ST3GAL3: variants seen among roughly 807,000 people sequenced by gnomAD.
The protein encoded by ST3GAL3 is ST3 beta-galactoside alpha-2,3-sialyltransferase 3, also known as CMP-N-acetylneuraminate-beta-1,4-galactoside alpha-2,3-sialyltransferase.
In ST3GAL3, 21 loss-of-function variants were observed where a neutral mutation model predicts 50.1. That is an observed-to-expected ratio of 0.42 (90% CI 0.30 to 0.60). The LOEUF is 0.60. Among genes scored for constraint, ST3GAL3 ranks in the 20% least tolerant of loss-of-function variants. The pLI, the probability that ST3GAL3 is intolerant of heterozygous loss-of-function variation, is 0.19. For synonymous variants in ST3GAL3, 183 were observed against 190.0 expected, an observed-to-expected ratio of 0.96 and a Z score of 0.30; for missense variants, 353 against 489.4, an observed-to-expected ratio of 0.72 and a Z score of 2.63.
intron 3 of ST3GAL3, among the ~76,000 whole-genome samples, chr1:43,809,558 G>T (rs561059601): frequency 1.3e-5 from 2 of 152,056 alleles, no homozygotes; most frequent in Non-Finnish European, 2.9e-5. Context: ...TTAGCTAAAT[G>T]TGGTGGTGCT....
chr1:43,838,177 C>G (rs200622176), intron 4 of ST3GAL3, 42 bp from the exon 5 acceptor site: 1 of 1,447,248 alleles, frequency 6.9e-7, no homozygotes, highest in Non-Finnish European at 9.6e-7. Context: ...CCACTCAGTG[C>G]TCAGTGCCTG....
chr1:43,816,367 A>G (rs1025101335), intron 4 of ST3GAL3, among the ~76,000 whole-genome samples: 1 of 152,198 alleles, frequency 6.6e-6, no homozygotes, highest in Non-Finnish European at 1.5e-5. Flanking sequence ...GAAGGCAACT[A>G]TGAAGGAAAA....
chr1:43,798,360 TGA>T (rs2058930747), intron 3 of ST3GAL3, among the ~76,000 whole-genome samples: 1 of 152,356 alleles, frequency 6.6e-6, no homozygotes, highest in Admixed American at 6.5e-5. Context: ...GCCTCTCCAG[TGA>T]CCTTACAGTA....
chr1:43,746,923 T>C (rs1683976818), intron 2 of ST3GAL3, among the ~76,000 whole-genome samples: 2 of 152,028 alleles, frequency 1.3e-5, no homozygotes, highest in South Asian at 4.2e-4. Context: ...CTACCATGCC[T>C]GACTAATTTT....
At chr1:43,913,703 G>A (rs1012444936) in intron 9 of ST3GAL3, 1 of 152,218 alleles carries the variant, frequency 6.6e-6, no homozygotes, top group Non-Finnish European at 1.5e-5. Flanking sequence ...AGACAAGAAA[G>A]AATAAAAGGA....
At chr1:43,755,655 A>T (rs1331701151) in intron 2 of ST3GAL3, among the ~76,000 whole-genome samples, 10 of 152,208 alleles carry the variant, frequency 6.6e-5, no homozygotes, top group Admixed American at 6.5e-4. Context: ...AACAGACCAA[A>T]TATACAAAAA....
intron 10 of ST3GAL3, 87 bp downstream of exon 10, chr1:43,920,637 GCTT>G (rs1457970611): frequency 6.2e-7 from 1 of 1,604,216 alleles, no homozygotes; most frequent in Non-Finnish European, 8.5e-7. Flanking sequence ...GTGGGGCAGT[GCTT>G]CTGCAAAATA....
At chr1:43,917,605 A>T (rs1269475039) in intron 9 of ST3GAL3, among the ~76,000 whole-genome samples, 4 of 70,750 alleles carry the variant, frequency 5.7e-5, no homozygotes, top group East Asian at 7.8e-4. Context: ...TATATATATT[A>T]TATATTATAT....
chr1:43,869,882 G>A (rs544462847), intron 5 of ST3GAL3, among the ~76,000 whole-genome samples: 3 of 152,292 alleles, frequency 2.0e-5, no homozygotes, highest in Admixed American at 1.3e-4. Context: ...TGCCCCCAAC[G>A]CTACAGGCAG....
intron 2 of ST3GAL3, among the ~76,000 whole-genome samples, chr1:43,773,596 A>G (rs975622218): frequency 6.6e-6 from 1 of 152,216 alleles, no homozygotes; most frequent in Admixed American, 6.5e-5. Flanking sequence ...AGGTAGATAG[A>G]TAATAGACAT....
chr1:43,768,066 C>T lies in ST3GAL3; in HGVS notation c.119-24036C>T, dbSNP rs537438906. On this transcript the variant is annotated intron_variant, in intron 2 of 11. Coordinates refer to ENST00000347631, the MANE Select transcript of ST3GAL3 (RefSeq NM_006279.5). ...AAGAAAAAAAAATACAGAGGATCAA[C>T]AAAGTCAAAAATTTGTTCTTTCAAA... 3.9e-5 allele frequency among the ~76,000 whole-genome samples: 6 copies of T among 152,108 alleles called. No individual in the cohort carries two copies. The East Asian group carries it at 9.7e-4, about 25-fold the overall frequency.
Position 43,770,846 on chromosome 1 carries a change from T to G in ST3GAL3, c.119-21256T>G, listed in dbSNP as rs1694872065. 2.0e-5 allele frequency among the ~76,000 whole-genome samples: 3 copies of G among 152,362 alleles called. No homozygotes were observed. The South Asian group carries it at 6.2e-4, about 32-fold the overall frequency. On this transcript the variant is annotated intron_variant, in intron 2 of 11. Transcript: ENST00000347631. The stretch of plus-strand genomic sequence containing the variant: ...GTACTTTGCCAAGTACCCAGGATAT[T>G]ATGTCTGGTGAAGTTCAATCTCTGA...
intron 2 of ST3GAL3, chr1:43,736,987 A>AATC (rs1383092453): frequency 5.3e-6 from 1 of 189,556 alleles, no homozygotes; most frequent in African/African-American, 2.4e-5. Flanking sequence ...ACATAGCCTG[A>AATC]ATCCCACTGG....
At chr1:43,739,158 AT>A (rs1490057176) in intron 2 of ST3GAL3, 5 of 152,192 alleles carry the variant, frequency 3.3e-5, no homozygotes, top group Non-Finnish European at 7.3e-5. Context: ...TGTTTAGAAT[AT>A]TAATAAGTTA....
chr1:43,708,661 C>T (rs887407542), intron 1 of ST3GAL3, among the ~76,000 whole-genome samples: 24 of 152,106 alleles, frequency 1.6e-4, no homozygotes, highest in African/African-American at 5.3e-4. Flanking sequence ...ATGATACTTT[C>T]AAATAATCTC....
intron 2 of ST3GAL3, among the ~76,000 whole-genome samples, chr1:43,765,249 T>C (rs1049058915): frequency 6.6e-6 from 1 of 152,160 alleles, no homozygotes; most frequent in Non-Finnish European, 1.5e-5. Flanking sequence ...AGTCCTTCAC[T>C]GGATTCTCTA....
At chr1:43,850,496 G>A in intron 5 of ST3GAL3, 2 of 631,556 alleles carry the variant, frequency 3.2e-6, no homozygotes, top group South Asian at 2.9e-5. Flanking sequence ...CCTTTTGGAA[G>A]CCTTTTTCCA....
At chr1:43,732,279 C>T (rs899761622) in intron 1 of ST3GAL3, among the ~76,000 whole-genome samples, 1 of 152,218 alleles carries the variant, frequency 6.6e-6, no homozygotes, top group Non-Finnish European at 1.5e-5. Context: ...CAGCTGGGAT[C>T]AGCTGATAAA....
At chr1:43,723,839 T>A (rs976082205) in intron 1 of ST3GAL3, among the ~76,000 whole-genome samples, 5 of 152,128 alleles carry the variant, frequency 3.3e-5, no homozygotes, top group African/African-American at 1.2e-4. Context: ...CTCGAACTCC[T>A]GACCTCAGGT....
Sources: allele counts gnomAD v4.1 joint callset (sites outside exome capture counted in the v4.1 genomes callset), GRCh38; gene constraint gnomAD v4.1.1; transcripts MANE v1.5; gene names NCBI Gene and HGNC (gene_info 2026-07-23, HGNC 2026-07-21).